AGBL4: variants seen among roughly 807,000 people sequenced by gnomAD.
AGBL4 encodes AGBL carboxypeptidase 4.
Under a neutral mutation model 66.4 loss-of-function variants are expected in AGBL4, and 58 were observed. That is an observed-to-expected ratio of 0.87 (90% CI 0.71 to 1.09). The LOEUF is 1.09. AGBL4 is among the 50% of genes least tolerant of loss of function. The pLI is 0.00. For synonymous variants in AGBL4, 234 were observed against 222.9 expected (o/e 1.05, Z -0.44); for missense variants, 579 against 631.0 (o/e 0.92, Z 0.88).
At chr1:49,327,524 G>A (rs1277959215) in intron 3 of AGBL4, among the ~76,000 whole-genome samples, 1 of 152,180 alleles carries the variant, frequency 6.6e-6, no homozygotes, top group East Asian at 1.9e-4. Context: ...GCCCCAACAA[G>A]AATGGGGTTG....
intron 3 of AGBL4, among the ~76,000 whole-genome samples, chr1:49,492,399 T>C (rs1214302280): frequency 2.0e-5 from 3 of 151,984 alleles, no homozygotes; most frequent in Non-Finnish European, 4.4e-5. Context: ...ATGAATTGTT[T>C]ACTTTTGAAA....
intron 3 of AGBL4, among the ~76,000 whole-genome samples, chr1:49,381,399 G>C (rs1644605796): frequency 6.6e-6 from 1 of 152,166 alleles, no homozygotes; most frequent in Admixed American, 6.5e-5. Context: ...CTGTTGGTGG[G>C]ACTGTAAACT....
At chr1:48,624,069 A>G (rs1000226615) in intron 9 of AGBL4, among the ~76,000 whole-genome samples, 1 of 152,206 alleles carries the variant, frequency 6.6e-6, no homozygotes, top group African/African-American at 2.4e-5. Flanking sequence ...GAGAGGGAGC[A>G]AAGAAGAAAA....
intron 5 of AGBL4, among the ~76,000 whole-genome samples, chr1:48,988,455 T>G (rs1044538804): frequency 6.6e-6 from 1 of 152,174 alleles, no homozygotes; most frequent in Non-Finnish European, 1.5e-5. Context: ...AGGGAAGGTC[T>G]GAAGTTCACA....
chr1:49,807,185 A>G (rs1486281778), intron 2 of AGBL4, among the ~76,000 whole-genome samples: 1 of 152,138 alleles, frequency 6.6e-6, no homozygotes, highest in Non-Finnish European at 1.5e-5. Context: ...CCAGACCAGT[A>G]GAGCCACTGG....
chr1:49,529,344 C>A (rs1410442148), intron 3 of AGBL4, among the ~76,000 whole-genome samples: 1 of 151,960 alleles, frequency 6.6e-6, no homozygotes, highest in Non-Finnish European at 1.5e-5. Context: ...AAAGATGATA[C>A]CCTGAATGAA....
chr1:48,650,125 T>C (rs1255229907), intron 8 of AGBL4, among the ~76,000 whole-genome samples: 1 of 152,182 alleles, frequency 6.6e-6, no homozygotes, highest in East Asian at 1.9e-4. Flanking sequence ...GGCAGGCCTG[T>C]CTTTGGTTCT....
chr1:49,453,668 G>A (rs1195422386), intron 3 of AGBL4, among the ~76,000 whole-genome samples: 3 of 151,738 alleles, frequency 2.0e-5, no homozygotes, highest in East Asian at 3.9e-4. Flanking sequence ...CCTCAAATGT[G>A]CCCAATCAGA....
At chr1:49,818,486 TC>T (rs1410602594) in intron 2 of AGBL4, among the ~76,000 whole-genome samples, 1 of 151,652 alleles carries the variant, frequency 6.6e-6, no homozygotes, top group Non-Finnish European at 1.5e-5. Flanking sequence ...CAACCTCAGC[TC>T]CCAAGTAGCT....
chr1:48,935,594 G>A (rs1655382000), intron 5 of AGBL4, among the ~76,000 whole-genome samples: 1 of 152,012 alleles, frequency 6.6e-6, no homozygotes, highest in Admixed American at 6.6e-5. Flanking sequence ...ATAGAGAGCA[G>A]AGGTATAATT....
In AGBL4 at chr1:49,876,118, T is replaced by A. The variant is rs1486207414; in HGVS notation, c.35-24600A>T. ...CCCATGTTGTAGGTTGCCTGTTCAC[T>A]CTGACGGTAGTTTCTTTTGCTGTGC... is the stretch of plus-strand genomic sequence containing the variant. On this transcript the variant is annotated intron_variant, in intron 1 of 13. Coordinates refer to ENST00000371839, the MANE Select transcript of AGBL4 (RefSeq NM_032785.4). Among the ~76,000 whole-genome samples the A allele has an allele frequency of 3.2e-3, 485 of 150,206 alleles. 3 individuals are homozygous for A. The highest frequency in any genetic ancestry group is 0.011 in the African/African-American group (444 of 40,662).
At chr1:48,974,239 T>C (rs1659141937) in intron 5 of AGBL4, among the ~76,000 whole-genome samples, 1 of 152,044 alleles carries the variant, frequency 6.6e-6, no homozygotes, top group Non-Finnish European at 1.5e-5. Context: ...CAGAGAGAGC[T>C]TGAGCCAAGT....
intron 1 of AGBL4, among the ~76,000 whole-genome samples, chr1:49,910,898 C>A (rs1381781025): frequency 6.6e-6 from 1 of 152,170 alleles, no homozygotes. Flanking sequence ...ATTGCTTGAA[C>A]CTAGGAGATG....
intron 3 of AGBL4, among the ~76,000 whole-genome samples, chr1:49,397,146 A>C (rs1644990220): frequency 6.6e-6 from 1 of 152,070 alleles, no homozygotes; most frequent in African/African-American, 2.4e-5. Flanking sequence ...AGTTCCTAAC[A>C]GGCCACAAAC....
intron 9 of AGBL4, among the ~76,000 whole-genome samples, chr1:48,609,897 C>T (rs960212835): frequency 1.3e-5 from 2 of 152,140 alleles, no homozygotes; most frequent in Admixed American, 6.5e-5. Context: ...ATTTTCTGTC[C>T]TCCGAGGTCA....
chr1:50,007,055 C>T (rs77601058), intron 1 of AGBL4, among the ~76,000 whole-genome samples: 276 of 151,516 alleles, frequency 1.8e-3, no homozygotes, highest in African/African-American at 6.5e-3. Context: ...TAAATAGAAA[C>T]AAAAAAAATT....
At chr1:49,104,723 T>C (rs1336031792) in intron 4 of AGBL4, among the ~76,000 whole-genome samples, 1 of 152,184 alleles carries the variant, frequency 6.6e-6, no homozygotes, top group Non-Finnish European at 1.5e-5. Context: ...GAACTCCAAA[T>C]GCCCTCTCCT....
chr1:49,196,407 T>A (rs1647257129), intron 4 of AGBL4, among the ~76,000 whole-genome samples: 1 of 152,182 alleles, frequency 6.6e-6, no homozygotes, highest in African/African-American at 2.4e-5. Flanking sequence ...TCACTCATAT[T>A]CTGAATTGAC....
intron 3 of AGBL4, among the ~76,000 whole-genome samples, chr1:49,313,908 T>C (rs1644988715): frequency 6.6e-6 from 1 of 152,298 alleles, no homozygotes; most frequent in African/African-American, 2.4e-5. Context: ...TCTGTTGCCA[T>C]TGCTTTTGGT....
Sources: allele counts gnomAD v4.1 joint callset (sites outside exome capture counted in the v4.1 genomes callset), GRCh38; gene constraint gnomAD v4.1.1; transcripts MANE v1.5; gene names NCBI Gene and HGNC (gene_info 2026-07-23, HGNC 2026-07-21).